Variants in SOX5 observed in about 807,000 individuals in gnomAD.
SOX5 encodes the protein transcription factor SOX-5.
SOX5 carries 9 observed loss-of-function variants against 92.0 expected under a neutral mutation model. The ratio of observed to expected loss-of-function variants is 0.10; its 90% confidence interval spans 0.06 to 0.17. The LOEUF is 0.17. SOX5 is among the 10% of genes least tolerant of loss of function. SOX5 has a pLI of 1.00. For synonymous variants in SOX5, 344 were observed against 336.3 expected (o/e 1.02, Z -0.25); for missense variants, 642 against 944.5 (o/e 0.68, Z 4.20).
chr12:24,378,818 G>A (rs1043706543), intron 1 of SOX5, among the ~76,000 whole-genome samples: 7 of 152,062 alleles, frequency 4.6e-5, no homozygotes, highest in Non-Finnish European at 7.4e-5. Flanking sequence ...CCCTCAATCC[G>A]CACCCCCTGT....
chr12:24,548,431 T>C (rs1405817385), intron 1 of SOX5, among the ~76,000 whole-genome samples: 3 of 152,170 alleles, frequency 2.0e-5, no homozygotes, highest in African/African-American at 2.4e-5. Flanking sequence ...TTTTAGAATA[T>C]CTGTACGAGG....
chr12:24,533,100 TTCA>T (rs1566409745), intron 1 of SOX5, among the ~76,000 whole-genome samples: 1 of 152,244 alleles, frequency 6.6e-6, no homozygotes, highest in African/African-American at 2.4e-5. Context: ...ATTTGTTTTC[TTCA>T]TACTTGTGAT....
At chr12:24,306,947 C>T (rs1278379070) in intron 2 of SOX5, among the ~76,000 whole-genome samples, 1 of 152,040 alleles carries the variant, frequency 6.6e-6, no homozygotes, top group Non-Finnish European at 1.5e-5. Context: ...CACCTTCTGC[C>T]AAGGACCAAT....
At chr12:24,348,409 G>A (rs909178000) in intron 2 of SOX5, among the ~76,000 whole-genome samples, 4 of 97,832 alleles carry the variant, frequency 4.1e-5, no homozygotes, top group Non-Finnish European at 1.0e-4. Flanking sequence ...TTGAGATGGA[G>A]GCTCACTCTG....
chr12:23,703,628 C>G (rs2090971966), intron 6 of SOX5, among the ~76,000 whole-genome samples: 1 of 151,714 alleles, frequency 6.6e-6, no homozygotes, highest in Non-Finnish European at 1.5e-5. Flanking sequence ...GACTGAAATT[C>G]AGTACATATT....
Position 24,374,543 on chromosome 12 carries a change from G to A in SOX5, c.-250-5904C>T, listed in dbSNP as rs569414730. On this transcript the variant is annotated intron_variant, in intron 1 of 4. Coordinates refer to the SOX5 transcript ENST00000446891. ...CACACACACACACACACACATGCAT[G>A]CACAAAACAGAGGAAGACTGAGGAA... Among the ~76,000 whole-genome samples the A allele has an allele frequency of 3.3e-5, 5 of 151,460 alleles. No homozygotes were observed. In the East Asian group the frequency reaches 9.7e-4, roughly 29 times the overall value.
chr12:24,494,832 C>G (rs2138029437), intron 1 of SOX5, among the ~76,000 whole-genome samples: 1 of 151,952 alleles, frequency 6.6e-6, no homozygotes, highest in Middle Eastern at 3.4e-3. Context: ...AAAAATACCC[C>G]CAAAAAACAG....
At chr12:24,385,461 A>T (rs960894002) in intron 1 of SOX5, among the ~76,000 whole-genome samples, 1 of 152,204 alleles carries the variant, frequency 6.6e-6, no homozygotes, top group Non-Finnish European at 1.5e-5. Flanking sequence ...TGGGTTTATC[A>T]GGACATAACC....
At chr12:23,726,902 G>T (rs1026870945) in intron 6 of SOX5, among the ~76,000 whole-genome samples, 21 of 152,106 alleles carry the variant, frequency 1.4e-4, no homozygotes, top group African/African-American at 4.3e-4. Flanking sequence ...CAGTTTACAT[G>T]CAGATCTCTC....
At chr12:23,685,105 G>T (rs564939395) in intron 6 of SOX5, among the ~76,000 whole-genome samples, 2 of 152,222 alleles carry the variant, frequency 1.3e-5, no homozygotes, top group African/African-American at 4.8e-5. Flanking sequence ...GCTACTCAAA[G>T]TTGTCTATAG....
chr12:23,858,760 G>T (rs1008404118), intron 2 of SOX5, among the ~76,000 whole-genome samples: 23 of 152,156 alleles, frequency 1.5e-4, no homozygotes, highest in Non-Finnish European at 3.4e-4. Context: ...TTGCAGCACT[G>T]TTTACTGTTG....
chr12:24,303,051 A>G (rs996462399), intron 2 of SOX5, among the ~76,000 whole-genome samples: 2 of 152,230 alleles, frequency 1.3e-5, no homozygotes, highest in Non-Finnish European at 2.9e-5. Flanking sequence ...AAGTGAATAC[A>G]TTATATAAGA....
intron 6 of SOX5, among the ~76,000 whole-genome samples, chr12:23,734,226 C>A (rs1241738042): frequency 1.3e-5 from 2 of 152,144 alleles, no homozygotes; most frequent in Non-Finnish European, 2.9e-5. Flanking sequence ...ACAGGTAAAT[C>A]GACTTGAACA....
intron 1 of SOX5, among the ~76,000 whole-genome samples, chr12:24,374,145 C>T (rs377100604): frequency 2.1e-4 from 32 of 152,208 alleles, no homozygotes; most frequent in African/African-American, 5.8e-4. Flanking sequence ...AGCTCAGAGG[C>T]GGGGTTCAGG....
At chr12:24,435,071 G>T (rs1449754367) in intron 1 of SOX5, among the ~76,000 whole-genome samples, 1 of 152,202 alleles carries the variant, frequency 6.6e-6, no homozygotes, top group South Asian at 2.1e-4. Flanking sequence ...AAAGAGAAGA[G>T]CACTTCATCT....
At chr12:23,587,005 T>C (rs1592312106) in intron 9 of SOX5, among the ~76,000 whole-genome samples, 4 of 151,560 alleles carry the variant, frequency 2.6e-5, no homozygotes, top group African/African-American at 9.7e-5. Flanking sequence ...AATTTTGTCA[T>C]GGAGAGAGCT....
intron 1 of SOX5, among the ~76,000 whole-genome samples, chr12:24,520,524 T>C (rs2138470886): frequency 6.7e-6 from 1 of 149,564 alleles, no homozygotes; most frequent in African/African-American, 2.4e-5. Flanking sequence ...AAAGCAAATA[T>C]ACACTACAGA....
intron 6 of SOX5, among the ~76,000 whole-genome samples, chr12:23,716,221 G>A (rs983975593): frequency 2.6e-5 from 4 of 152,172 alleles, no homozygotes; most frequent in African/African-American, 4.8e-5. Flanking sequence ...TTTGACTAAG[G>A]TCAAAATTAA....
At chr12:23,840,837 C>T (rs534519416) in intron 3 of SOX5, among the ~76,000 whole-genome samples, 1 of 152,056 alleles carries the variant, frequency 6.6e-6, no homozygotes, top group Admixed American at 6.6e-5. Context: ...CAAAATTTAA[C>T]TCAAAAGGGA....
Sources: gnomAD v4.1 joint callset for allele counts (sites outside exome capture counted in the v4.1 genomes callset) on GRCh38, gnomAD v4.1.1 for gene constraint, MANE v1.5 for transcripts, NCBI Gene and HGNC (gene_info 2026-07-23, HGNC 2026-07-21) for gene names.